ATP8A2: variants seen among roughly 807,000 people sequenced by gnomAD.
The protein encoded by ATP8A2 is ATPase phospholipid transporting 8A2.
In ATP8A2, 100 loss-of-function variants were observed where a neutral mutation model predicts 165.6. That is an observed-to-expected ratio of 0.60 (90% CI 0.51 to 0.71). The LOEUF (loss-of-function observed/expected upper bound fraction) is 0.71, where lower values mean the gene tolerates loss of function less well. Ranked by LOEUF, ATP8A2 falls within the 30% of genes least tolerant of loss-of-function variation. ATP8A2 has a pLI of 0.00. For synonymous variants in ATP8A2, 543 were observed against 548.8 expected, an observed-to-expected ratio of 0.99 and a Z score of 0.15; for missense variants, 1,227 against 1,479.5, an observed-to-expected ratio of 0.83 and a Z score of 2.80.
chr13:25,632,054 G>C (rs2041253995), intron 24 of ATP8A2, among the ~76,000 whole-genome samples: 2 of 151,908 alleles, frequency 1.3e-5, no homozygotes, highest in Non-Finnish European at 2.9e-5. Context: ...TAATTTACTA[G>C]AGTAGCTCAC....
intron 36 of ATP8A2, among the ~76,000 whole-genome samples, chr13:26,014,054 T>G (rs1403663916): frequency 1.3e-5 from 2 of 152,180 alleles, no homozygotes; most frequent in African/African-American, 4.8e-5. Context: ...AGCCTCAGAC[T>G]CTGGCCCAAA....
intron 24 of ATP8A2, among the ~76,000 whole-genome samples, chr13:25,593,759 C>T (rs1011093306): frequency 6.6e-6 from 1 of 152,088 alleles, no homozygotes; most frequent in African/African-American, 2.4e-5. Flanking sequence ...TGCTTTTAGC[C>T]AATTGTGAAA....
At chr13:25,524,373 T>C (rs2037767732) in intron 2 of ATP8A2, among the ~76,000 whole-genome samples, 1 of 152,140 alleles carries the variant, frequency 6.6e-6, no homozygotes, top group South Asian at 2.1e-4. Context: ...TGAGTTAGTC[T>C]TGTTTTGTCT....
intron 25 of ATP8A2, among the ~76,000 whole-genome samples, chr13:25,721,925 C>T (rs1442176448): frequency 6.6e-6 from 1 of 152,144 alleles, no homozygotes; most frequent in Non-Finnish European, 1.5e-5. Context: ...CAAGTTTTTG[C>T]AAGGATATGT....
At chr13:25,605,293 G>C (rs2040487793) in intron 24 of ATP8A2, among the ~76,000 whole-genome samples, 1 of 152,132 alleles carries the variant, frequency 6.6e-6, no homozygotes, top group South Asian at 2.1e-4. Flanking sequence ...CAGAACCTTT[G>C]ATGTAGTTCA....
chr13:25,933,256 G>A (rs1215242625), intron 33 of ATP8A2, among the ~76,000 whole-genome samples: 3 of 152,160 alleles, frequency 2.0e-5, no homozygotes, highest in Non-Finnish European at 4.4e-5. Context: ...TTAATTTTCT[G>A]CCTCGCTTGG....
intron 27 of ATP8A2, among the ~76,000 whole-genome samples, chr13:25,781,492 TTTTG>T (rs1477432892): frequency 6.6e-6 from 1 of 152,170 alleles, no homozygotes; most frequent in Non-Finnish European, 1.5e-5. Context: ...TCAAACTTTT[TTTTG>T]TTTGTTTTTT....
intron 35 of ATP8A2, among the ~76,000 whole-genome samples, chr13:25,990,809 GACTATTCTTCACTTGCTTGGTGAC>G (rs1956374621): frequency 6.6e-6 from 1 of 152,190 alleles, no homozygotes; most frequent in Admixed American, 6.5e-5. Context: ...ACAGAGCCTA[GACTATTCTTCACTTGCTTGGTGAC>G]ACCCAGGCCT....
intron 2 of ATP8A2, among the ~76,000 whole-genome samples, chr13:25,488,353 C>T (rs544274836): frequency 6.2e-4 from 95 of 152,310 alleles, no homozygotes; most frequent in Non-Finnish European, 1.2e-3. Flanking sequence ...TGGCAGTCAC[C>T]GTTCTACTTT....
intron 24 of ATP8A2, among the ~76,000 whole-genome samples, chr13:25,697,358 C>T (rs2042855192): frequency 6.6e-6 from 1 of 152,204 alleles, no homozygotes; most frequent in South Asian, 2.1e-4. Flanking sequence ...CGGCTCACTG[C>T]AACCTCCACC....
At chr13:25,897,680 C>T (rs996978308) in intron 33 of ATP8A2, among the ~76,000 whole-genome samples, 2 of 152,216 alleles carry the variant, frequency 1.3e-5, no homozygotes, top group Admixed American at 6.5e-5. Flanking sequence ...ACCAATTAGA[C>T]ATAGATTTGG....
At chr13:25,696,961 A>G (rs2042846227) in intron 24 of ATP8A2, among the ~76,000 whole-genome samples, 1 of 152,206 alleles carries the variant, frequency 6.6e-6, no homozygotes, top group African/African-American at 2.4e-5. Context: ...CTGATGACAG[A>G]TTACCATAAC....
At chr13:26,003,862 G>A (rs1276525963) in intron 35 of ATP8A2, among the ~76,000 whole-genome samples, 1 of 151,906 alleles carries the variant, frequency 6.6e-6, no homozygotes. Flanking sequence ...AGTCTAGCCT[G>A]TTCCGTTGGT....
intron 1 of ATP8A2, among the ~76,000 whole-genome samples, chr13:25,374,461 G>GA (rs1210633252): frequency 6.6e-6 from 1 of 152,224 alleles, no homozygotes; most frequent in Non-Finnish European, 1.5e-5. Flanking sequence ...GTAGCTGGAG[G>GA]AAAATGTGAG....
chr13:25,844,355 T>C (rs1256238042), intron 30 of ATP8A2, among the ~76,000 whole-genome samples: 3 of 152,048 alleles, frequency 2.0e-5, no homozygotes, highest in Non-Finnish European at 2.9e-5. Context: ...CTCAGCCTCC[T>C]GAGTAGCTGG....
intron 24 of ATP8A2, among the ~76,000 whole-genome samples, chr13:25,697,153 A>G (rs995601180): frequency 6.6e-5 from 10 of 152,248 alleles, no homozygotes; most frequent in African/African-American, 2.2e-4. Context: ...AAAGTGAAGC[A>G]CAATAAAATG....
intron 27 of ATP8A2, among the ~76,000 whole-genome samples, chr13:25,780,747 C>T (rs1329045141): frequency 1.3e-5 from 2 of 151,954 alleles, no homozygotes; most frequent in East Asian, 1.9e-4. Context: ...AAACTAGATC[C>T]CTTGCATGCG....
At chr13:25,469,142 C>G (rs749231912) in intron 2 of ATP8A2, 21 bp downstream of exon 2, 1 of 1,612,404 alleles carries the variant, frequency 6.2e-7, no homozygotes, top group South Asian at 1.1e-5. Context: ...GCGGCCGGCT[C>G]GCGCGGAAGG....
intron 27 of ATP8A2, among the ~76,000 whole-genome samples, chr13:25,786,227 C>T (rs1461024215): frequency 1.3e-5 from 2 of 152,268 alleles, no homozygotes; most frequent in East Asian, 1.9e-4. Flanking sequence ...TGCGTTCTAA[C>T]GATACATCTG....
Sources: allele counts gnomAD v4.1 joint callset (sites outside exome capture counted in the v4.1 genomes callset), GRCh38; gene constraint gnomAD v4.1.1; transcripts MANE v1.5; gene names NCBI Gene and HGNC (gene_info 2026-07-23, HGNC 2026-07-21).